Variants in NPHP4 observed in about 807,000 individuals in gnomAD.
NPHP4 encodes nephrocystin 4.
A neutral mutation model predicts 155.8 loss-of-function variants in NPHP4; 151 were observed. That is an observed-to-expected ratio of 0.97 (90% CI 0.85 to 1.11). NPHP4 has a LOEUF of 1.11. Ranked by LOEUF, NPHP4 falls within the 50% of genes least tolerant of loss-of-function variation. The pLI is 0.00. For missense variants in NPHP4, 1,956 were observed against 1,925.7 expected, an observed-to-expected ratio of 1.02 and a Z score of -0.29; for synonymous variants, 845 against 816.8, an observed-to-expected ratio of 1.03 and a Z score of -0.59.
intron 6 of NPHP4, among the ~76,000 whole-genome samples, chr1:5,956,300 G>A (rs1649224726): frequency 6.6e-6 from 1 of 152,208 alleles, no homozygotes; most frequent in Non-Finnish European, 1.5e-5. Flanking sequence ...CTCATGACCA[G>A]GGTGCACACG....
Position 5,969,107 on chromosome 1 carries a change from G to C in NPHP4, c.432C>G (p.Ile144Met). The C allele has an allele frequency of 6.4e-7, 1 of 1,550,642 alleles. No homozygotes were observed. The highest frequency in any genetic ancestry group is 1.2e-5 in the South Asian group (1 of 84,030). The change falls in exon 4 of 30, where the codon ATC (isoleucine) becomes ATG (methionine). Residue 144 changes from isoleucine (I) to methionine (M), a missense_variant. Physicochemically the swap from Ile to Met is conservative, Grantham distance 10 (BLOSUM62 1). Coordinates refer to ENST00000378156, the MANE Select transcript of NPHP4 (RefSeq NM_015102.5). ...RIFSNQPDSP[I>M]SASQDKRLRL... is the part of the protein sequence containing the mutation. ...GGTACCTTTTGTCCTGGGAAGCAGA[G>C]ATAGGAGAGTCCGGCTGGTTGCTGA... is the stretch of plus-strand genomic sequence containing the variant.
chr1:5,866,484 A>T, intron 25 of NPHP4, 26 bp from the exon 26 acceptor site: 1 of 1,408,168 alleles, frequency 7.1e-7, no homozygotes, highest in Non-Finnish European at 9.9e-7. Context: ...GCAGCACATC[A>T]GGGCACACAG....
chr1:5,911,446 C>T (rs1349127501), intron 11 of NPHP4, among the ~76,000 whole-genome samples: 1 of 152,212 alleles, frequency 6.6e-6, no homozygotes, highest in Non-Finnish European at 1.5e-5. Flanking sequence ...GGGGGCCAGC[C>T]CTCCGTGCCT....
At chr1:5,952,637 C>T in intron 7 of NPHP4, 63 bp downstream of exon 7, 1 of 957,486 alleles carries the variant, frequency 1.0e-6, no homozygotes, top group Non-Finnish European at 1.5e-6. Context: ...TCCTCCCTGC[C>T]CTACCCGGGT....
In NPHP4 at chr1:5,984,636, A is replaced by AT. The variant is rs1363335459; in HGVS notation, c.135+1518dup. Among the ~76,000 whole-genome samples the AT allele has an allele frequency of 3.3e-5, 5 of 152,360 alleles. No homozygotes were observed. In the East Asian group the frequency reaches 9.6e-4, roughly 29 times the overall value. On this transcript the variant is annotated intron_variant, in intron 2 of 29. Transcript: ENST00000378156. ...GTATATTTACTTGTATTTGCTTAGA[A>AT]TTTAAGAAAGTTGTACGAAAACACA...
intron 11 of NPHP4, among the ~76,000 whole-genome samples, chr1:5,911,254 G>A (rs12060900): frequency 0.2 from 30,019 of 152,056 alleles, 3,296 homozygotes; most frequent in African/African-American, 0.3. Flanking sequence ...AGCTCCGTAC[G>A]GCAAACCCCT....
chr1:5,931,401 T>TAA (rs35255274), intron 10 of NPHP4, among the ~76,000 whole-genome samples: 56 of 132,318 alleles, frequency 4.2e-4, no homozygotes, highest in African/African-American at 1.4e-3. Flanking sequence ...AGCATATGTC[T>TAA]AAAAAAAAAA....
chr1:5,957,205 C>T (rs1258736435), intron 6 of NPHP4, among the ~76,000 whole-genome samples: 1 of 152,182 alleles, frequency 6.6e-6, no homozygotes, highest in Admixed American at 6.5e-5. Flanking sequence ...AACAGCATTG[C>T]TCCTATGGAA....
chr1:5,950,851 C>T (rs139545636), intron 7 of NPHP4, among the ~76,000 whole-genome samples: 1 of 152,290 alleles, frequency 6.6e-6, no homozygotes, highest in African/African-American at 2.4e-5. Flanking sequence ...CAGCCCCAAC[C>T]TGAAAATAGC....
At chr1:5,911,609 C>A (rs1645182694) in intron 11 of NPHP4, among the ~76,000 whole-genome samples, 1 of 152,122 alleles carries the variant, frequency 6.6e-6, no homozygotes, top group African/African-American at 2.4e-5. Context: ...ATGACTTATG[C>A]AATTTTTTCT....
Position 5,953,146 on chromosome 1 carries a change from G to A in NPHP4, c.674-310C>T, listed in dbSNP as rs184218753. On this transcript the variant is annotated intron_variant, in intron 6 of 29. Coordinates refer to ENST00000378156, the MANE Select transcript of NPHP4 (RefSeq NM_015102.5). ...CTTTGAGACGGAGTCTCGTTCTGTC[G>A]CCCAGGCTGGAGTGCAGTGGTGTGA... Among the ~76,000 whole-genome samples the A allele has an allele frequency of 3.6e-4, 55 of 152,136 alleles. No individual in the cohort carries two copies. In the East Asian group the frequency reaches 9.7e-3, roughly 27 times the overall value.
intron 11 of NPHP4, among the ~76,000 whole-genome samples, chr1:5,911,264 T>C: frequency 6.6e-6 from 1 of 152,148 alleles, no homozygotes; most frequent in Non-Finnish European, 1.5e-5. Flanking sequence ...GGCAAACCCC[T>C]GCCCACCTCC....
chr1:5,863,379 G>T lies in NPHP4; in HGVS notation c.4167C>A (p.Ile1389=). 2.5e-6 allele frequency: 4 copies of T among 1,613,980 alleles called. No homozygotes were observed. The highest frequency in any genetic ancestry group is 3.4e-6 in the Non-Finnish European group (4 of 1,179,858). The change falls in exon 30 of 30, where the codon ATC becomes ATA. Residue 1389 remains isoleucine, a synonymous_variant. Transcript: ENST00000378156. Reference sequence around the variant, plus strand: ...TCTGACTAGGCGCAAACTGCAAGCCGATGGTGTAGGTCTCTCCACCCCCGA... The same window carrying T: ...TCTGACTAGGCGCAAACTGCAAGCCTATGGTGTAGGTCTCTCCACCCCCGA... ...FQVGGGETYT[I]GLQFAPSQRV...
chr1:5,888,462 G>A, intron 17 of NPHP4: 3 of 1,199,496 alleles, frequency 2.5e-6, no homozygotes, highest in Admixed American at 3.4e-5. Flanking sequence ...CGCCAGACCT[G>A]ACCCTTCCCT....
At chr1:5,887,173 T>C (rs1643869191) in intron 18 of NPHP4, 113 bp downstream of exon 18, 1 of 1,018,702 alleles carries the variant, frequency 9.8e-7, no homozygotes, top group Admixed American at 2.6e-5. Flanking sequence ...ATTCTCCCGG[T>C]TTCCTCCTGG....
At chr1:5,987,926 C>G in intron 1 of NPHP4, among the ~76,000 whole-genome samples, 1 of 152,150 alleles carries the variant, frequency 6.6e-6, no homozygotes, top group Admixed American at 6.5e-5. Flanking sequence ...GAATTAAGAA[C>G]ATTTGTATCC....
chr1:5,905,498 C>T lies in NPHP4; in HGVS notation c.1764-15G>A, dbSNP rs750330288. 6.3e-7 allele frequency: 1 copy of T among 1,599,436 alleles called. No homozygotes were observed. Among genetic ancestry groups the T allele is most frequent in the East Asian group, 2.2e-5 (1 of 44,570 alleles). ...GCCCTGCAGAGCTGAGACACAGAGACTCCTCAGGTAGCCTCCCGGGAAAGG... is the reference window on the plus strand; with the variant it reads ...GCCCTGCAGAGCTGAGACACAGAGATTCCTCAGGTAGCCTCCCGGGAAAGG... On this transcript the variant is annotated splice_polypyrimidine_tract_variant and intron_variant, in intron 14 of 29. Transcript: ENST00000378156. This position sits in a 1 kb window ranked among gnomAD's most constrained non-coding sequence, Gnocchi z 4.0.
chr1:5,866,354 C>T lies in NPHP4; in HGVS notation c.3644+19G>A. The T allele has an allele frequency of 4.5e-6, 7 of 1,557,600 alleles. No individual in the cohort carries two copies. The highest frequency in any genetic ancestry group is 5.3e-6 in the Non-Finnish European group (6 of 1,135,380). On this transcript the variant is annotated intron_variant, in intron 26 of 29. Transcript: ENST00000378156. Reference sequence around the variant, plus strand: ...CTCCTCCGCCACCGCCTCCAGGTCCCCAAAGCCTGTGCACTTACGAGTAAA... The same window carrying T: ...CTCCTCCGCCACCGCCTCCAGGTCCTCAAAGCCTGTGCACTTACGAGTAAA...
chr1:5,947,689 C>G (rs1422374239), intron 8 of NPHP4, among the ~76,000 whole-genome samples: 1 of 152,176 alleles, frequency 6.6e-6, no homozygotes, highest in African/African-American at 2.4e-5. Context: ...ATGTCTGTGA[C>G]ACCTGATTTG....
Sources: gnomAD v4.1 joint callset for allele counts (sites outside exome capture counted in the v4.1 genomes callset) on GRCh38, gnomAD v4.1.1 for gene constraint, Gnocchi (gnomAD v3.1) non-coding constraint, MANE v1.5 for transcripts, NCBI Gene and HGNC (gene_info 2026-07-23, HGNC 2026-07-21) for gene names.